MTSS1: variants seen among roughly 807,000 people sequenced by gnomAD.
MTSS1 encodes the protein MTSS I-BAR domain containing 1.
MTSS1 carries 18 observed loss-of-function variants against 79.0 expected under a neutral mutation model. That is an observed-to-expected ratio of 0.23 (90% CI 0.16 to 0.34). The LOEUF (loss-of-function observed/expected upper bound fraction) is 0.34. Ranked by LOEUF, MTSS1 falls within the 10% of genes least tolerant of loss-of-function variation. MTSS1 has a pLI of 1.00. For synonymous variants in MTSS1, 341 were observed against 368.6 expected (o/e 0.93, Z 0.86); for missense variants, 815 against 986.2 (o/e 0.83, Z 2.33).
intron 3 of MTSS1, among the ~76,000 whole-genome samples, chr8:124,687,798 CTG>C (rs1232126479): frequency 6.6e-6 from 1 of 152,242 alleles, no homozygotes; most frequent in Non-Finnish European, 1.5e-5. Context: ...CTTTGAGAAA[CTG>C]TGCACTGTCC....
At chr8:124,614,620 G>A (rs777806634) in intron 3 of MTSS1, among the ~76,000 whole-genome samples, 20 of 152,232 alleles carry the variant, frequency 1.3e-4, no homozygotes, top group South Asian at 2.1e-4. Flanking sequence ...TGTCATGAAT[G>A]GTAGTTAAGT....
At chr8:124,555,939 T>C (rs761134214) in intron 12 of MTSS1, 35 bp from the exon 13 acceptor site, 12 of 1,561,242 alleles carry the variant, frequency 7.7e-6, no homozygotes, top group Middle Eastern at 1.7e-4. Flanking sequence ...ACAGGTTGCT[T>C]TAGGGGGGGG....
chr8:124,624,442 C>T (rs537752433), intron 3 of MTSS1, among the ~76,000 whole-genome samples: 4 of 152,198 alleles, frequency 2.6e-5, no homozygotes, highest in Admixed American at 6.5e-5. Flanking sequence ...CTCAGGTTGA[C>T]GACGTGACAC....
At chr8:124,707,908 T>C (rs939602794) in intron 1 of MTSS1, among the ~76,000 whole-genome samples, 1 of 152,134 alleles carries the variant, frequency 6.6e-6, no homozygotes, top group African/African-American at 2.4e-5. Context: ...AGGTGAGGCA[T>C]GTTCATCGAG....
intron 5 of MTSS1, among the ~76,000 whole-genome samples, chr8:124,586,565 C>A (rs952214226): frequency 1.3e-5 from 2 of 152,192 alleles, no homozygotes; most frequent in African/African-American, 4.8e-5. Flanking sequence ...CGCAGCAGTG[C>A]CTGGGTCATG....
At position 124,597,607 on chromosome 8, in the gene MTSS1, C is replaced by A. The variant is rs577260801; in HGVS notation, c.209-6372G>T. Among the ~76,000 whole-genome samples, 6 of 152,302 alleles carry A rather than the reference C, an allele frequency of 3.9e-5. No individual in the cohort carries two copies. The South Asian group carries it at 1.0e-3, about 26-fold the overall frequency. On this transcript the variant is annotated intron_variant, in intron 3 of 13. Coordinates refer to ENST00000518547, the MANE Select transcript of MTSS1 (RefSeq NM_014751.6). The surrounding 1 kb of genome is among the most constrained non-coding windows in gnomAD (Gnocchi z 4.6). ...CTCATTTGCAGGCAGCTGCCATCTC[C>A]CTGCATAGCAGGGGACTAATGGCAG...
In MTSS1 at chr8:124,557,698, G is replaced by C. The variant is rs1188028747; in HGVS notation, c.1213C>G (p.Gln405Glu). 6.3e-7 allele frequency: 1 copy of C among 1,583,738 alleles called. No homozygotes were observed. Among genetic ancestry groups the C allele is most frequent in the Non-Finnish European group, 8.6e-7 (1 of 1,164,888 alleles). The change falls in exon 11 of 14, where the codon CAG becomes GAG. Residue 405 changes from glutamine (Q) to glutamate (E), a missense_variant. Gln to Glu is a conservative substitution (Grantham distance 29). Around this residue, in one of 2 missense-constraint regions of MTSS1, gnomAD observed 590 missense variants for 620.8 expected, o/e 0.95. Coordinates refer to ENST00000518547, the MANE Select transcript of MTSS1 (RefSeq NM_014751.6). The stretch of plus-strand genomic sequence containing the variant: ...ACACAAACCTTCCAGCTAGGGATCT[G>C]AGATGACGGGAACATGCCGGGCCCA... The part of the protein sequence containing the change: ...TIGPGMFPSS[Q>E]IPSWKDWAKP...
At chr8:124,682,329 T>C (rs1464330241) in intron 3 of MTSS1, among the ~76,000 whole-genome samples, 4 of 152,212 alleles carry the variant, frequency 2.6e-5, no homozygotes, top group African/African-American at 9.7e-5. Flanking sequence ...ATTTGCTAAA[T>C]AGCAGGTCCC....
intron 1 of MTSS1, among the ~76,000 whole-genome samples, chr8:124,716,017 C>T (rs965760631): frequency 2.6e-5 from 4 of 152,200 alleles, no homozygotes; most frequent in Admixed American, 2.0e-4. Context: ...ACTCAATGTA[C>T]GATGCCAATC....
intron 3 of MTSS1, among the ~76,000 whole-genome samples, chr8:124,668,259 G>A (rs1428672793): frequency 6.6e-6 from 1 of 152,088 alleles, no homozygotes; most frequent in East Asian, 1.9e-4. Flanking sequence ...TCAGTTCCAC[G>A]TGCCCTGTCT....
At chr8:124,650,404 G>A (rs1587580421) in intron 3 of MTSS1, among the ~76,000 whole-genome samples, 6 of 152,278 alleles carry the variant, frequency 3.9e-5, no homozygotes, top group Middle Eastern at 3.4e-3. Flanking sequence ...CATATGCTAG[G>A]TGTGACTTCA....
intron 10 of MTSS1, among the ~76,000 whole-genome samples, chr8:124,558,523 A>G (rs764725542): frequency 2.0e-5 from 3 of 152,140 alleles, no homozygotes; most frequent in Admixed American, 6.6e-5. Context: ...CCATGTGGTC[A>G]TTGTCCAGCA....
chr8:124,710,767 G>A (rs886308927), intron 1 of MTSS1, among the ~76,000 whole-genome samples: 2 of 152,196 alleles, frequency 1.3e-5, no homozygotes, highest in Admixed American at 6.5e-5. Flanking sequence ...CAGCGCCACT[G>A]GGACAGCTGA....
chr8:124,617,478 T>C (rs1319075742), intron 3 of MTSS1, among the ~76,000 whole-genome samples: 5 of 152,164 alleles, frequency 3.3e-5, no homozygotes, highest in Non-Finnish European at 5.9e-5. Context: ...CCATGAGAGC[T>C]GGGAAGGTTC....
In MTSS1 at chr8:124,589,610, G is replaced by A. The variant is rs766852239; in HGVS notation, c.385+10C>T. 5.0e-6 allele frequency: 8 copies of A among 1,607,282 alleles called. No homozygotes were observed. Among genetic ancestry groups the A allele is most frequent in the Admixed American group, 1.7e-5 (1 of 58,746 alleles). On this transcript the variant is annotated intron_variant, in intron 5 of 13. Coordinates refer to ENST00000518547, the MANE Select transcript of MTSS1 (RefSeq NM_014751.6). ...CGTGCAGTGATGCGCTAGACATCTC[G>A]CCCCTGTACCTTTTGCGTGGTCTTT...
chr8:124,597,202 C>T lies in MTSS1; in HGVS notation c.209-5967G>A, dbSNP rs572126416. Among the ~76,000 whole-genome samples the T allele has an allele frequency of 2.0e-5, 3 of 152,130 alleles. No homozygotes were observed. Among genetic ancestry groups the T allele is most frequent in the African/African-American group, 7.2e-5 (3 of 41,424 alleles). On this transcript the variant is annotated intron_variant, in intron 3 of 13. Transcript: ENST00000518547. This position sits in a 1 kb window ranked among gnomAD's most constrained non-coding sequence, Gnocchi z 4.6. ...GCAGGGAACACTGTCCTGACAGCAA[C>T]CCTCTGTGGTAGGCATTATCAGCCC...
At chr8:124,635,062 G>GT (rs1454024943) in intron 3 of MTSS1, among the ~76,000 whole-genome samples, 2 of 152,196 alleles carry the variant, frequency 1.3e-5, no homozygotes, top group African/African-American at 4.8e-5. Flanking sequence ...CCAGGTTATT[G>GT]TAAGAGTTAA....
chr8:124,615,315 G>A (rs1245615736), intron 3 of MTSS1, among the ~76,000 whole-genome samples: 3 of 151,800 alleles, frequency 2.0e-5, no homozygotes, highest in Admixed American at 6.6e-5. Flanking sequence ...ATGTGGCCAC[G>A]AGGTGGAAGC....
At chr8:124,700,935 A>G (rs1469919846) in intron 2 of MTSS1, among the ~76,000 whole-genome samples, 1 of 152,246 alleles carries the variant, frequency 6.6e-6, no homozygotes, top group African/African-American at 2.4e-5. Context: ...ATTTCAAAAT[A>G]GAGAAAAATG....
Sources: gnomAD v4.1 joint callset for allele counts (sites outside exome capture counted in the v4.1 genomes callset) on GRCh38, gnomAD v4.1.1 for gene constraint, gnomAD v4.1.1 regional missense constraint, Gnocchi (gnomAD v3.1) non-coding constraint, MANE v1.5 for transcripts, NCBI Gene and HGNC (gene_info 2026-07-23, HGNC 2026-07-21) for gene names.